ATIC: variants seen among roughly 807,000 people sequenced by gnomAD.
The protein encoded by ATIC is 5-aminoimidazole-4-carboxamide ribonucleotide formyltransferase/IMP cyclohydrolase, also known as bifunctional purine biosynthesis protein ATIC.
A neutral mutation model predicts 72.5 loss-of-function variants in ATIC; 64 were observed. That is an observed-to-expected ratio of 0.88 (90% confidence interval 0.72 to 1.09). ATIC has a LOEUF of 1.09. Ranked by LOEUF, ATIC falls within the 50% of genes least tolerant of loss-of-function variation. The probability of loss-of-function intolerance (pLI) is 0.00; values close to 1 mark genes in which losing one functional copy is unlikely to be tolerated. For synonymous variants in ATIC, 281 were observed against 267.1 expected, an observed-to-expected ratio of 1.05 and a Z score of -0.51; for missense variants, 787 against 732.4, an observed-to-expected ratio of 1.07 and a Z score of -0.86.
chr2:215,312,091 GTGGTGCCGCCGC>G lies in ATIC; in HGVS notation c.-49_-38del. The G allele has an allele frequency of 6.5e-7, 1 of 1,530,026 alleles. No individual in the cohort carries two copies. Among genetic ancestry groups the G allele is most frequent in the Non-Finnish European group, 8.7e-7 (1 of 1,144,690 alleles). The allele number at this position is 1,530,026 out of a possible 1,614,324, so 94.8% of individuals were successfully genotyped here. A position where few individuals can be genotyped will look rare whatever the true frequency, so the allele number is the denominator to read the frequency against. On this transcript the variant is annotated 5_prime_UTR_variant, in exon 1 of 16. Coordinates refer to ENST00000236959, the MANE Select transcript of ATIC (RefSeq NM_004044.7). ...CCCGGCAGCCCTCCTACCTGCGCACGTGGTGCCGCCGCTGCTGCCTCCCGCTCGCCCTGAACC... is the reference window on the plus strand; with the variant it reads ...CCCGGCAGCCCTCCTACCTGCGCACGTGCTGCCTCCCGCTCGCCCTGAACC...
chr2:215,347,752 CTAGTCCTGAAA>C, intron 14 of ATIC: 3 of 457,746 alleles, frequency 6.6e-6, no homozygotes, highest in Non-Finnish European at 1.3e-5. Context: ...ACCCCTGCTA[CTAGTCCTGAAA>C]GAGTCCTGGA....
At chr2:215,342,825 A>T (rs528291977) in intron 12 of ATIC, among the ~76,000 whole-genome samples, 1 of 152,308 alleles carries the variant, frequency 6.6e-6, no homozygotes, top group Non-Finnish European at 1.5e-5. Context: ...GATTACAGGC[A>T]TGCGGCACCA....
At chr2:215,356,498 G>GTAT in the ATIC span, among the ~76,000 whole-genome samples, 1 of 152,100 alleles carries the variant, frequency 6.6e-6, no homozygotes, top group Non-Finnish European at 1.5e-5. Context: ...ATTTTAAAGC[G>GTAT]TATTGTTCAG....
In ATIC at chr2:215,334,041, C is replaced by CAAA. The variant is rs34643540; in HGVS notation, c.922+594_922+596dup. ...TGGGTGACAGAGCGATACTCCGTCT[C>CAAA]AAAAAAAAAAAAGTATTTGTTAGTA... On this transcript the variant is annotated intron_variant, in intron 9 of 15. Coordinates refer to ENST00000236959, the MANE Select transcript of ATIC (RefSeq NM_004044.7). 2.1e-4 allele frequency among the ~76,000 whole-genome samples: 28 copies of CAAA among 132,056 alleles called. 1 individual carries two copies. The highest frequency in any genetic ancestry group is 4.3e-3 in the Middle Eastern group (1 of 234). 86.6% of individuals were successfully genotyped at this position (132,056 alleles called of 152,430 possible). A position where few individuals can be genotyped will look rare whatever the true frequency, so the allele number is the denominator to read the frequency against.
chr2:215,312,116 C>T lies in ATIC; in HGVS notation c.-27C>T. The T allele has an allele frequency of 2.0e-6, 3 of 1,530,668 alleles. No individual in the cohort carries two copies. Among genetic ancestry groups the T allele is most frequent in the Non-Finnish European group, 2.6e-6 (3 of 1,145,012 alleles). The allele number at this position is 1,530,668 out of a possible 1,614,324, so 94.8% of individuals were successfully genotyped here. On this transcript the variant is annotated 5_prime_UTR_variant, in exon 1 of 16. Coordinates refer to ENST00000236959, the MANE Select transcript of ATIC (RefSeq NM_004044.7). Reference sequence around the variant, plus strand: ...GTGGTGCCGCCGCTGCTGCCTCCCGCTCGCCCTGAACCCAGTGCCTGCAGC... The same window carrying T: ...GTGGTGCCGCCGCTGCTGCCTCCCGTTCGCCCTGAACCCAGTGCCTGCAGC...
At chr2:215,365,258 AT>A in the ATIC span, among the ~76,000 whole-genome samples, 5 of 152,312 alleles carry the variant, frequency 3.3e-5, no homozygotes, top group African/African-American at 1.2e-4. Context: ...TCTTTGTAGC[AT>A]TTTACTGCAG....
At chr2:215,330,537 A>G (rs560524126) in intron 7 of ATIC, among the ~76,000 whole-genome samples, 1 of 152,074 alleles carries the variant, frequency 6.6e-6, no homozygotes, top group Non-Finnish European at 1.5e-5. Context: ...TTTAACATTC[A>G]TTCTTTGTGT....
At chr2:215,364,906 G>A in the ATIC span, 12 of 1,567,238 alleles carry the variant, frequency 7.7e-6, no homozygotes, top group Non-Finnish European at 1.0e-5. Flanking sequence ...ATGTGCAGGA[G>A]CAAATGGCAC....
chr2:215,364,834 TTTATC>T, the ATIC span: 176 of 1,344,376 alleles, frequency 1.3e-4, no homozygotes, highest in Non-Finnish European at 1.7e-4. Flanking sequence ...GAGCCCACCC[TTTATC>T]TTATCTAACT....
chr2:215,351,086 C>G (rs140970239), downstream of ATIC, among the ~76,000 whole-genome samples: 6 of 152,276 alleles, frequency 3.9e-5, no homozygotes, highest in Non-Finnish European at 8.8e-5. Flanking sequence ...CAACTTCAGC[C>G]TTAGTTTCTT....
chr2:215,334,464 G>C (rs2106022275), intron 9 of ATIC, among the ~76,000 whole-genome samples: 1 of 152,208 alleles, frequency 6.6e-6, no homozygotes, highest in East Asian at 1.9e-4. Flanking sequence ...CCAGAGGGCT[G>C]GGATTACAGG....
rs746885102 is a variant in ATIC, at chr2:215,312,319, G to A, written c.19+158G>A. ...CCGGCCGGGCCGCAGCCTGCGTGGGGCCCGCCTTAGAGCAGCTCGCGGGTG... is the reference window on the plus strand; with the variant it reads ...CCGGCCGGGCCGCAGCCTGCGTGGGACCCGCCTTAGAGCAGCTCGCGGGTG... On this transcript the variant is annotated intron_variant, in intron 1 of 15. Transcript: ENST00000236959. 230 of 1,455,362 alleles carry A rather than the reference G, an allele frequency of 1.6e-4. 2 individuals carry two copies. The highest frequency in any genetic ancestry group is 6.4e-5 in the Admixed American group (3 of 46,656). The allele number at this position is 1,455,362 out of a possible 1,614,324, so 90.2% of individuals were successfully genotyped here. A position where few individuals can be genotyped will look rare whatever the true frequency, so the allele number is the denominator to read the frequency against.
At chr2:215,345,805 A>G (rs565197137) in intron 13 of ATIC, among the ~76,000 whole-genome samples, 1 of 152,290 alleles carries the variant, frequency 6.6e-6, no homozygotes, top group East Asian at 1.9e-4. Flanking sequence ...GCGGCTGCCC[A>G]GGTATTTGTG....
intron 12 of ATIC, among the ~76,000 whole-genome samples, chr2:215,340,743 A>G (rs1689806388): frequency 6.6e-6 from 1 of 152,148 alleles, no homozygotes; most frequent in South Asian, 2.1e-4. Flanking sequence ...CTAGGTATCT[A>G]CTGCTGTACG....
chr2:215,366,634 A>G, the ATIC span, among the ~76,000 whole-genome samples: 4 of 152,216 alleles, frequency 2.6e-5, no homozygotes, highest in African/African-American at 7.2e-5. Flanking sequence ...AGAAGCTTAT[A>G]TAACAATATA....
intron 14 of ATIC, among the ~76,000 whole-genome samples, chr2:215,347,832 G>A (rs2053087934): frequency 6.6e-6 from 1 of 152,176 alleles, no homozygotes; most frequent in Non-Finnish European, 1.5e-5. Context: ...GAAGCACCTT[G>A]TAAAATATGA....
intron 12 of ATIC, among the ~76,000 whole-genome samples, chr2:215,343,810 T>C (rs2053044536): frequency 6.6e-6 from 1 of 152,246 alleles, no homozygotes; most frequent in Non-Finnish European, 1.5e-5. Context: ...TCAACTTATC[T>C]GTTGGCTGTA....
rs1207051083 is a variant in ATIC at position 215,312,092 on chromosome 2, T to G, written c.-51T>G. 1.4e-5 allele frequency: 22 copies of G among 1,530,034 alleles called. No homozygotes were observed. Among genetic ancestry groups the G allele is most frequent in the African/African-American group, 2.8e-5 (2 of 72,334 alleles). The allele number at this position is 1,530,034 out of a possible 1,614,324, so 94.8% of individuals were successfully genotyped here. A position where few individuals can be genotyped will look rare whatever the true frequency, so the allele number is the denominator to read the frequency against. ...CCGGCAGCCCTCCTACCTGCGCACG[T>G]GGTGCCGCCGCTGCTGCCTCCCGCT... On this transcript the variant is annotated 5_prime_UTR_variant, in exon 1 of 16. Coordinates refer to ENST00000236959, the MANE Select transcript of ATIC (RefSeq NM_004044.7).
intron 2 of ATIC, among the ~76,000 whole-genome samples, chr2:215,313,571 C>T (rs1461578236): frequency 6.6e-6 from 1 of 152,068 alleles, no homozygotes; most frequent in African/African-American, 2.4e-5. Flanking sequence ...GAGATGACCA[C>T]CCCTGAAACA....
Sources: gnomAD v4.1 joint callset for allele counts (sites outside exome capture counted in the v4.1 genomes callset) on GRCh38, gnomAD v4.1.1 for gene constraint, MANE v1.5 for transcripts, NCBI Gene and HGNC (gene_info 2026-07-23, HGNC 2026-07-21) for gene names.